CSMD1: variants seen among roughly 807,000 people sequenced by gnomAD.
CSMD1 encodes CUB and Sushi multiple domains 1.
Under a neutral mutation model 417.5 loss-of-function variants are expected in CSMD1, and 213 were observed. The observed-to-expected ratio is 0.51, with a 90% CI of 0.46 to 0.57. The LOEUF (loss-of-function observed/expected upper bound fraction) is 0.57, where lower values mean the gene tolerates loss of function less well. Among genes scored for constraint, CSMD1 ranks in the 20% least tolerant of loss-of-function variants. The pLI is 0.00. For synonymous variants in CSMD1, 2,862 were observed against 1,736.8 expected (o/e 1.65, Z -16.11); for missense variants, 6,923 against 4,529.7 (o/e 1.53, Z -15.17).
chr8:3,472,963 G>T (rs1446932784), intron 11 of CSMD1, among the ~76,000 whole-genome samples: 3 of 151,900 alleles, frequency 2.0e-5, no homozygotes, highest in African/African-American at 7.3e-5. Context: ...CCTCTCAGCT[G>T]AACACTGATT....
chr8:4,446,629 C>A (rs949006694), intron 2 of CSMD1, among the ~76,000 whole-genome samples: 10 of 152,138 alleles, frequency 6.6e-5, no homozygotes, highest in Non-Finnish European at 5.9e-5. Flanking sequence ...TCTCAGCTCA[C>A]TGCAAACTCT....
At chr8:3,970,403 A>C (rs1171565697) in intron 5 of CSMD1, among the ~76,000 whole-genome samples, 1 of 152,214 alleles carries the variant, frequency 6.6e-6, no homozygotes, top group Non-Finnish European at 1.5e-5. Flanking sequence ...GAGATTGATT[A>C]GGAGGGAACA....
chr8:4,620,947 T>TA lies in CSMD1; in HGVS notation c.302+16394dup, dbSNP rs1399754755. ...AAATAATAAATTAAAATGTGGTCTT[T>TA]AAAAAAATCAAGAAAATTGGCAAAC... is the stretch of plus-strand genomic sequence containing the variant. On this transcript the variant is annotated intron_variant, in intron 2 of 69. Coordinates refer to ENST00000635120, the MANE Select transcript of CSMD1 (RefSeq NM_033225.6). Among the ~76,000 whole-genome samples the TA allele has an allele frequency of 7.2e-5, 11 of 152,060 alleles. No individual in the cohort carries two copies. In the East Asian group the frequency reaches 2.1e-3, roughly 29 times the overall value.
At chr8:4,382,240 C>T (rs1046986290) in intron 3 of CSMD1, among the ~76,000 whole-genome samples, 2 of 152,126 alleles carry the variant, frequency 1.3e-5, no homozygotes, top group Admixed American at 6.5e-5. Flanking sequence ...ACAACCATTA[C>T]CAAAGCCATA....
chr8:3,663,021 G>A (rs1425912617), intron 7 of CSMD1, among the ~76,000 whole-genome samples: 1 of 151,926 alleles, frequency 6.6e-6, no homozygotes, highest in African/African-American at 2.4e-5. Flanking sequence ...AATAAATAAA[G>A]ACTCCATGCC....
chr8:4,113,296 AAGTG>A (rs2130916754), intron 3 of CSMD1, among the ~76,000 whole-genome samples: 1 of 152,198 alleles, frequency 6.6e-6, no homozygotes, highest in South Asian at 2.1e-4. Context: ...ATGATTAACT[AAGTG>A]AGAAAGACAT....
At chr8:4,159,042 A>C (rs1417430622) in intron 3 of CSMD1, among the ~76,000 whole-genome samples, 1 of 152,042 alleles carries the variant, frequency 6.6e-6, no homozygotes, top group Non-Finnish European at 1.5e-5. Flanking sequence ...CAGCCTCCAT[A>C]GTAACTGGGA....
At chr8:4,146,594 ATTTTTTTTTTT>A (rs71205423) in intron 3 of CSMD1, among the ~76,000 whole-genome samples, 10 of 64,240 alleles carry the variant, frequency 1.6e-4, no homozygotes, top group African/African-American at 4.8e-4. Flanking sequence ...ATATGGACAC[ATTTTTTTTTTT>A]TTTTTTTTTT....
intron 5 of CSMD1, among the ~76,000 whole-genome samples, chr8:3,988,345 C>A (rs924734974): frequency 6.6e-6 from 1 of 152,186 alleles, no homozygotes; most frequent in Non-Finnish European, 1.5e-5. Context: ...AATAGCATAA[C>A]TACTGCAATG....
At chr8:4,249,861 T>C (rs995012611) in intron 3 of CSMD1, among the ~76,000 whole-genome samples, 1 of 152,118 alleles carries the variant, frequency 6.6e-6, no homozygotes, top group African/African-American at 2.4e-5. Flanking sequence ...ACCCCCGGAA[T>C]TCTTGAGTTG....
intron 3 of CSMD1, among the ~76,000 whole-genome samples, chr8:4,319,802 A>G (rs1345478256): frequency 6.6e-6 from 1 of 152,136 alleles, no homozygotes; most frequent in Non-Finnish European, 1.5e-5. Flanking sequence ...GAGCTTCACA[A>G]GAGATGTGTA....
intron 1 of CSMD1, among the ~76,000 whole-genome samples, chr8:4,910,332 A>T (rs924421178): frequency 3.3e-5 from 5 of 152,208 alleles, no homozygotes; most frequent in Non-Finnish European, 7.3e-5. Context: ...GTCAATGTTG[A>T]TGATGTATCT....
intron 6 of CSMD1, among the ~76,000 whole-genome samples, chr8:3,742,049 C>A (rs936277769): frequency 6.6e-6 from 1 of 151,156 alleles, no homozygotes; most frequent in Non-Finnish European, 1.5e-5. Context: ...CCCAGCTTCA[C>A]ACTCATTCAG....
intron 3 of CSMD1, among the ~76,000 whole-genome samples, chr8:4,252,430 A>T (rs917020872): frequency 6.6e-6 from 1 of 152,246 alleles, no homozygotes; most frequent in African/African-American, 2.4e-5. Context: ...GGGAAGAAAT[A>T]AACTCGAGGG....
chr8:4,874,144 C>G (rs1454738151), intron 1 of CSMD1, among the ~76,000 whole-genome samples: 1 of 152,026 alleles, frequency 6.6e-6, no homozygotes, highest in Admixed American at 6.6e-5. Flanking sequence ...ATAACTTTAT[C>G]TTTTTCAAAA....
At chr8:3,961,766 C>T (rs145271287) in intron 5 of CSMD1, among the ~76,000 whole-genome samples, 1 of 152,316 alleles carries the variant, frequency 6.6e-6, no homozygotes, top group East Asian at 1.9e-4. Flanking sequence ...ATGATGAAGG[C>T]ATCAGCTTTG....
At chr8:3,280,388 C>T (rs1584920613) in intron 26 of CSMD1, among the ~76,000 whole-genome samples, 2 of 152,156 alleles carry the variant, frequency 1.3e-5, no homozygotes, top group South Asian at 4.1e-4. Flanking sequence ...CTCACATTTC[C>T]AGAGTTGTAG....
intron 26 of CSMD1, among the ~76,000 whole-genome samples, chr8:3,280,910 G>C (rs1214390193): frequency 8.6e-5 from 13 of 151,854 alleles, no homozygotes; most frequent in Admixed American, 7.2e-4. Context: ...TGAATATATA[G>C]AAAAAAAAGA....
intron 3 of CSMD1, among the ~76,000 whole-genome samples, chr8:4,112,795 A>C (rs548575277): frequency 1.3e-5 from 2 of 152,194 alleles, no homozygotes; most frequent in South Asian, 2.1e-4. Context: ...AGAATTTTAT[A>C]CACACAGACA....
Sources: allele counts gnomAD v4.1 joint callset (sites outside exome capture counted in the v4.1 genomes callset), GRCh38; gene constraint gnomAD v4.1.1; transcripts MANE v1.5; gene names NCBI Gene and HGNC (gene_info 2026-07-23, HGNC 2026-07-21).